AKAP13: variants seen among roughly 807,000 people sequenced by gnomAD.
AKAP13 encodes A-kinase anchoring protein 13.
AKAP13 carries 80 observed loss-of-function variants against 264.5 expected under a neutral mutation model. The observed-to-expected ratio is 0.30, with a 90% CI of 0.25 to 0.36. AKAP13 has a LOEUF of 0.36. Ranked by LOEUF, AKAP13 falls within the 10% of genes least tolerant of loss-of-function variation. The pLI, the probability that AKAP13 is intolerant of heterozygous loss-of-function variation, is 1.00. For synonymous variants in AKAP13, 1,380 were observed against 1,250.2 expected (o/e 1.10, Z -2.19); for missense variants, 3,712 against 3,435.2 (o/e 1.08, Z -2.01).
chr15:85,740,362 G>A, intron 34 of AKAP13, 90 bp downstream of exon 34: 1 of 1,495,458 alleles, frequency 6.7e-7, no homozygotes, highest in Non-Finnish European at 9.3e-7. Context: ...GAGGTTTGCA[G>A]GATGTTTAAT....
chr15:85,485,614 C>T (rs2075514619), intron 1 of AKAP13, 96 bp from the exon 2 acceptor site: 5 of 1,032,972 alleles, frequency 4.8e-6, no homozygotes, highest in Admixed American at 1.9e-5. Flanking sequence ...GGATTGTACT[C>T]ACAGAGCTAT....
intron 14 of AKAP13, among the ~76,000 whole-genome samples, chr15:85,670,109 G>T (rs982574425): frequency 6.6e-6 from 1 of 152,010 alleles, no homozygotes; most frequent in South Asian, 2.1e-4. Flanking sequence ...AATAATTTTA[G>T]ACTTGAAAAA....
At chr15:85,658,477 T>A in intron 11 of AKAP13, 60 bp from the exon 12 acceptor site, 2 of 1,467,538 alleles carry the variant, frequency 1.4e-6, no homozygotes, top group Non-Finnish European at 9.5e-7. Flanking sequence ...GTATGTTTCA[T>A]GCATTTGTAT....
At chr15:85,552,628 C>CTTTTTTTTTTTTTTTTTTT (rs55743971) in intron 5 of AKAP13, among the ~76,000 whole-genome samples, 1 of 125,068 alleles carries the variant, frequency 8.0e-6, no homozygotes, top group Non-Finnish European at 1.6e-5. Context: ...TTTTTTTGGC[C>CTTTTTTTTTTTTTTTTTTT]TTTTTTTTTT....
chr15:85,655,441 G>C lies in AKAP13; in HGVS notation c.4399G>C (p.Asp1467His). 6.2e-7 allele frequency: 1 copy of C among 1,614,036 alleles called. No individual in the cohort carries two copies. Among genetic ancestry groups the C allele is most frequent in the Non-Finnish European group, 8.5e-7 (1 of 1,179,942 alleles). ...GCCAGAGGAAGAGCATTTGGCCTGT[G>C]ATATCACCGGATCCAGTTCATCCAC... ...PKPEEEHLAC[D>H]ITGSSSSTDD... The change falls in exon 11 of 37, where the codon GAT (aspartate) becomes CAT (histidine). Residue 1467 changes from aspartate (D) to histidine (H), a missense_variant. Coordinates refer to ENST00000394518, the MANE Select transcript of AKAP13 (RefSeq NM_007200.5).
At chr15:85,588,617 TAAAGA>T (rs2079455989) in intron 8 of AKAP13, among the ~76,000 whole-genome samples, 1 of 152,190 alleles carries the variant, frequency 6.6e-6, no homozygotes. Flanking sequence ...AAACATGACT[TAAAGA>T]AAAGAAAAGG....
intron 5 of AKAP13, among the ~76,000 whole-genome samples, chr15:85,553,610 A>T (rs190649186): frequency 6.6e-6 from 1 of 152,194 alleles, no homozygotes; most frequent in Non-Finnish European, 1.5e-5. Flanking sequence ...CTTATAGTAC[A>T]TATTTTATGC....
chr15:85,416,530 C>G (rs901944157), intron 1 of AKAP13, among the ~76,000 whole-genome samples: 2 of 152,144 alleles, frequency 1.3e-5, no homozygotes, highest in Middle Eastern at 3.2e-3. Flanking sequence ...ATTTTTGGGA[C>G]TCCAGTGGTC....
At chr15:85,440,904 C>G (rs1380639311) in intron 1 of AKAP13, among the ~76,000 whole-genome samples, 1 of 152,062 alleles carries the variant, frequency 6.6e-6, no homozygotes, top group Non-Finnish European at 1.5e-5. Flanking sequence ...TTAAATAGTG[C>G]AAGTAGATTT....
intron 1 of AKAP13, among the ~76,000 whole-genome samples, chr15:85,435,446 G>C (rs1366793875): frequency 4.4e-4 from 43 of 98,324 alleles, no homozygotes; most frequent in Non-Finnish European, 5.3e-4. Context: ...CCAACGTTCA[G>C]ATTCAGGAAA....
intron 8 of AKAP13, among the ~76,000 whole-genome samples, chr15:85,589,372 T>G (rs946029137): frequency 2.0e-5 from 3 of 152,088 alleles, no homozygotes; most frequent in Non-Finnish European, 4.4e-5. Context: ...CAATACAACT[T>G]TATTATGGAC....
At chr15:85,611,829 G>A (rs755106499) in intron 8 of AKAP13, among the ~76,000 whole-genome samples, 12 of 151,910 alleles carry the variant, frequency 7.9e-5, no homozygotes, top group Non-Finnish European at 1.3e-4. Flanking sequence ...CTGCCTGAAC[G>A]TAGACACAGG....
intron 8 of AKAP13, among the ~76,000 whole-genome samples, chr15:85,604,256 G>C (rs2080217573): frequency 6.6e-6 from 1 of 152,122 alleles, no homozygotes; most frequent in Non-Finnish European, 1.5e-5. Context: ...TTTAAGTTTT[G>C]TAAGTTGAGG....
At chr15:85,598,422 A>G (rs4843079) in intron 8 of AKAP13, among the ~76,000 whole-genome samples, 94,257 of 152,088 alleles carry the variant, frequency 0.62, 29,359 homozygotes, top group Middle Eastern at 0.72. Flanking sequence ...GGGAAGCCAC[A>G]GACTGACTTG....
chr15:85,421,634 C>T (rs746094880), intron 1 of AKAP13, among the ~76,000 whole-genome samples: 1 of 152,130 alleles, frequency 6.6e-6, no homozygotes, highest in Non-Finnish European at 1.5e-5. Context: ...TTTTTCTTTG[C>T]CCTTCTCTCT....
rs2089451800 is a variant in AKAP13 at position 85,749,213 on chromosome 15, GA to G, written c.*4537del. 2.0e-5 allele frequency: 3 copies of G among 152,208 alleles called. No homozygotes were observed. Among genetic ancestry groups the G allele is most frequent in the Admixed American group, 2.0e-4 (3 of 15,280 alleles). 9.4% of individuals were successfully genotyped at this position (152,208 alleles called of 1,614,324 possible). ...AAGTGAAGCAGTTTTAAACTGTAAAGATTTTTTTCAGTGTGTTTTCTCGAAT... is the reference window on the plus strand; with the variant it reads ...AAGTGAAGCAGTTTTAAACTGTAAAGTTTTTTTCAGTGTGTTTTCTCGAAT... On this transcript the variant is annotated 3_prime_UTR_variant, in exon 37 of 37. Transcript: ENST00000394518.
At chr15:85,441,657 A>G (rs901920480) in intron 1 of AKAP13, among the ~76,000 whole-genome samples, 13 of 152,068 alleles carry the variant, frequency 8.5e-5, no homozygotes, top group African/African-American at 3.1e-4. Flanking sequence ...TGTATCTGTG[A>G]TCCATATTTG....
rs570719396 is a variant in AKAP13 at position 85,596,181 on chromosome 15, A to G, written c.4161+10358A>G. Among the ~76,000 whole-genome samples, 6 of 152,350 alleles carry G rather than the reference A, an allele frequency of 3.9e-5. No homozygotes were observed. The South Asian group carries it at 1.0e-3, about 26-fold the overall frequency. ...GAGAATACTCTTATGAGCACATTTAAAATATCTAAGTTTAAACCTAACTCA... is the reference window on the plus strand; with the variant it reads ...GAGAATACTCTTATGAGCACATTTAGAATATCTAAGTTTAAACCTAACTCA... On this transcript the variant is annotated intron_variant, in intron 8 of 36. Transcript: ENST00000394518.
At chr15:85,591,472 T>C (rs144754445) in intron 8 of AKAP13, among the ~76,000 whole-genome samples, 1 of 152,288 alleles carries the variant, frequency 6.6e-6, no homozygotes, top group African/African-American at 2.4e-5. Context: ...ATAATCTGTT[T>C]AGCTGCAACT....
Sources: allele counts gnomAD v4.1 joint callset (sites outside exome capture counted in the v4.1 genomes callset), GRCh38; gene constraint gnomAD v4.1.1; transcripts MANE v1.5; gene names NCBI Gene and HGNC (gene_info 2026-07-23, HGNC 2026-07-21).